Variants in CFTR observed in about 807,000 individuals in gnomAD.
The protein encoded by CFTR is cystic fibrosis transmembrane conductance regulator.
In CFTR, 181 loss-of-function variants were observed where a neutral mutation model predicts 171.6. The observed-to-expected ratio is 1.05, with a 90% CI of 0.93 to 1.19. The LOEUF is 1.19. CFTR is among the 50% of genes most tolerant of loss of function. CFTR has a pLI of 0.00. For missense variants in CFTR, 1,968 were observed against 1,734.7 expected (o/e 1.13, Z -2.39); for synonymous variants, 583 against 608.0 (o/e 0.96, Z 0.60).
chr7:117,584,013 A>ATTATTTGT (rs1468324771), intron 11 of CFTR, among the ~76,000 whole-genome samples: 1 of 151,416 alleles, frequency 6.6e-6, no homozygotes, highest in East Asian at 1.9e-4. Flanking sequence ...TTTTGATGGA[A>ATTATTTGT]TTATTTGTTT....
intron 11 of CFTR, among the ~76,000 whole-genome samples, chr7:117,563,255 G>A (rs1791546010): frequency 6.6e-6 from 1 of 151,980 alleles, no homozygotes; most frequent in African/African-American, 2.4e-5. Context: ...GGATTCTTCT[G>A]GCATATATAA....
chr7:117,619,436 G>C (rs981953128), intron 21 of CFTR, among the ~76,000 whole-genome samples: 7 of 152,180 alleles, frequency 4.6e-5, no homozygotes, highest in Non-Finnish European at 7.3e-5. Context: ...AGAAGCCATT[G>C]ACAATTCAGT....
rs148692598 is a variant in CFTR at position 117,620,180 on chromosome 7, A to G, written c.3468+5467A>G. Among the ~76,000 whole-genome samples, 688 of 152,114 alleles carry G rather than the reference A, an allele frequency of 4.5e-3. 1 individual carries two copies. Among genetic ancestry groups the G allele is most frequent in the Non-Finnish European group, 8.7e-3 (594 of 67,998 alleles). ...ATTTTCCTCTCATGACCTCTGTCTCAAGACTTCTTTCCATCCATCTCTTCT... is the reference window on the plus strand; with the variant it reads ...ATTTTCCTCTCATGACCTCTGTCTCGAGACTTCTTTCCATCCATCTCTTCT... On this transcript the variant is annotated intron_variant, in intron 21 of 26. Coordinates refer to ENST00000003084, the MANE Select transcript of CFTR (RefSeq NM_000492.4).
chr7:117,560,153 C>G (rs1202751261), intron 11 of CFTR, among the ~76,000 whole-genome samples: 4 of 152,076 alleles, frequency 2.6e-5, no homozygotes, highest in Non-Finnish European at 5.9e-5. Flanking sequence ...GTATCCCTGG[C>G]TTTGAACAAA....
At chr7:117,561,203 T>G (rs2115944018) in intron 11 of CFTR, among the ~76,000 whole-genome samples, 1 of 152,146 alleles carries the variant, frequency 6.6e-6, no homozygotes, top group Non-Finnish European at 1.5e-5. Context: ...TTCTGAAGGG[T>G]TTATAGCAGA....
intron 22 of CFTR, among the ~76,000 whole-genome samples, chr7:117,636,823 T>A (rs1792833875): frequency 6.6e-6 from 1 of 151,910 alleles, no homozygotes. Flanking sequence ...TTTAGCTTTT[T>A]TTTTTTTTCT....
At chr7:117,623,388 G>A (rs1792609695) in intron 21 of CFTR, among the ~76,000 whole-genome samples, 2 of 152,216 alleles carry the variant, frequency 1.3e-5, no homozygotes, top group African/African-American at 4.8e-5. Flanking sequence ...GAAGCAGCAG[G>A]CTGGGGTTAA....
At chr7:117,541,106 A>G (rs1261200414) in intron 8 of CFTR, among the ~76,000 whole-genome samples, 3 of 152,164 alleles carry the variant, frequency 2.0e-5, no homozygotes, top group African/African-American at 4.8e-5. Flanking sequence ...CCATTCCTTC[A>G]TTATATCACC....
At chr7:117,654,554 C>T (rs1293430803) in intron 24 of CFTR, among the ~76,000 whole-genome samples, 5 of 152,096 alleles carry the variant, frequency 3.3e-5, no homozygotes, top group South Asian at 2.1e-4. Flanking sequence ...ATGGTTTTCC[C>T]ATGCTGTTCA....
chr7:117,487,391 C>A (rs954640627), intron 1 of CFTR, among the ~76,000 whole-genome samples: 2 of 152,040 alleles, frequency 1.3e-5, no homozygotes, highest in African/African-American at 4.8e-5. Context: ...TCCTATATAA[C>A]CTGCTAACTG....
At chr7:117,595,471 T>C (rs1792105774) in intron 15 of CFTR, among the ~76,000 whole-genome samples, 1 of 150,702 alleles carries the variant, frequency 6.6e-6, no homozygotes, top group Non-Finnish European at 1.5e-5. Flanking sequence ...TCACTGTTGA[T>C]ATTTTATTAT....
intron 21 of CFTR, among the ~76,000 whole-genome samples, chr7:117,617,426 G>A (rs1009708703): frequency 9.2e-5 from 14 of 151,902 alleles, no homozygotes; most frequent in African/African-American, 2.7e-4. Context: ...ATTGGTACAC[G>A]AAACTGTACA....
chr7:117,645,587 G>A (rs1050623671), intron 23 of CFTR, among the ~76,000 whole-genome samples: 1 of 152,092 alleles, frequency 6.6e-6, no homozygotes, highest in Non-Finnish European at 1.5e-5. Context: ...CTACTGCAGT[G>A]CCTTCCTCAT....
intron 22 of CFTR, among the ~76,000 whole-genome samples, chr7:117,641,972 C>G (rs1792922101): frequency 1.3e-5 from 2 of 152,114 alleles, no homozygotes; most frequent in Admixed American, 1.3e-4. Flanking sequence ...TTGAACTTCA[C>G]CAAATTAATT....
intron 1 of CFTR, among the ~76,000 whole-genome samples, chr7:117,485,634 T>C (rs558854672): frequency 1.3e-5 from 2 of 152,266 alleles, no homozygotes; most frequent in South Asian, 4.1e-4. Flanking sequence ...TTGTAAAAAT[T>C]TAATTTACTC....
chr7:117,618,917 G>A (rs925088814), intron 21 of CFTR, among the ~76,000 whole-genome samples: 1 of 151,886 alleles, frequency 6.6e-6, no homozygotes, highest in Non-Finnish European at 1.5e-5. Flanking sequence ...CCATGTTAGG[G>A]GATTTCCAGT....
intron 20 of CFTR, among the ~76,000 whole-genome samples, chr7:117,612,055 A>ATATATATATG (rs1562915214): frequency 8.0e-5 from 6 of 74,834 alleles, no homozygotes; most frequent in African/African-American, 4.0e-4. Context: ...ATATATATAC[A>ATATATATATG]TATATATATA....
At chr7:117,610,758 T>A (rs151033496) in intron 19 of CFTR, 89 bp downstream of exon 19, 1 of 1,459,268 alleles carries the variant, frequency 6.9e-7, no homozygotes, top group Admixed American at 1.9e-5. Flanking sequence ...TAAAAAAAAT[T>A]CTGCTTTTAA....
chr7:117,555,164 G>C (rs1335795362), intron 10 of CFTR, among the ~76,000 whole-genome samples: 1 of 151,578 alleles, frequency 6.6e-6, no homozygotes, highest in African/African-American at 2.4e-5. Flanking sequence ...TGCCATGAAT[G>C]CATAAAATAT....
Sources: allele counts gnomAD v4.1 joint callset (sites outside exome capture counted in the v4.1 genomes callset), GRCh38; gene constraint gnomAD v4.1.1; transcripts MANE v1.5; gene names NCBI Gene and HGNC (gene_info 2026-07-23, HGNC 2026-07-21).